Variants in BANK1 observed in about 807,000 individuals in gnomAD.
BANK1 encodes the protein B-cell scaffold protein with ankyrin repeats.
Under a neutral mutation model 94.5 loss-of-function variants are expected in BANK1, and 95 were observed. That is an observed-to-expected ratio of 1.00 (90% CI 0.85 to 1.19). BANK1 has a LOEUF of 1.19. Among genes scored for constraint, BANK1 ranks in the 50% most tolerant of loss-of-function variants. The pLI is 0.00. For missense variants in BANK1, 987 were observed against 932.2 expected, an observed-to-expected ratio of 1.06 and a Z score of -0.77; for synonymous variants, 334 against 308.4, an observed-to-expected ratio of 1.08 and a Z score of -0.87.
chr4:101,986,475 C>A (rs1427311324), intron 7 of BANK1, among the ~76,000 whole-genome samples: 2 of 152,010 alleles, frequency 1.3e-5, no homozygotes, highest in African/African-American at 4.8e-5. Context: ...TTACATGGAT[C>A]TTGCTGAGCT....
At chr4:101,829,765 T>C (rs17266594) in intron 1 of BANK1, 43 bp from the exon 2 acceptor site, 372,909 of 1,294,384 alleles carry the variant, frequency 0.29, 56,046 homozygotes, top group Non-Finnish European at 0.31. Context: ...TTTAACCTGC[T>C]GATAGCATTG....
At chr4:101,966,369 T>C (rs1392972338) in intron 7 of BANK1, among the ~76,000 whole-genome samples, 1 of 152,030 alleles carries the variant, frequency 6.6e-6, no homozygotes, top group Non-Finnish European at 1.5e-5. Context: ...GTTTGTTATC[T>C]ATGAAAATAA....
At chr4:101,875,225 G>A (rs770019348) in intron 5 of BANK1, among the ~76,000 whole-genome samples, 1 of 152,084 alleles carries the variant, frequency 6.6e-6, no homozygotes, top group Non-Finnish European at 1.5e-5. Context: ...GTTTCTGTGT[G>A]TTGGGGAGAG....
At chr4:101,957,837 T>A (rs13107839) in intron 7 of BANK1, among the ~76,000 whole-genome samples, 1 of 94,652 alleles carries the variant, frequency 1.1e-5, no homozygotes, top group Non-Finnish European at 2.8e-5. Flanking sequence ...TTGTTTTTTG[T>A]TTTTTGCTTT....
intron 4 of BANK1, among the ~76,000 whole-genome samples, chr4:101,863,364 C>A (rs1297315460): frequency 6.6e-6 from 1 of 151,704 alleles, no homozygotes; most frequent in African/African-American, 2.4e-5. Flanking sequence ...ATGTCTTTTC[C>A]TGATCAGAGA....
intron 6 of BANK1, among the ~76,000 whole-genome samples, chr4:101,914,036 TAC>T (rs1722750663): frequency 6.6e-6 from 1 of 152,310 alleles, no homozygotes; most frequent in Non-Finnish European, 1.5e-5. Flanking sequence ...TTTTCAAATG[TAC>T]AGTCTTTCAA....
chr4:101,796,405 AGTT>A (rs1725157952), intron 1 of BANK1, among the ~76,000 whole-genome samples: 1 of 152,144 alleles, frequency 6.6e-6, no homozygotes. Flanking sequence ...TCTTTTCAAA[AGTT>A]GTTATTGTTA....
chr4:102,049,699 C>A (rs976557656), intron 11 of BANK1, among the ~76,000 whole-genome samples: 10 of 152,126 alleles, frequency 6.6e-5, no homozygotes, highest in African/African-American at 2.4e-4. Context: ...CTCTTTAAAA[C>A]CGTAATTGGT....
rs957452052 is a variant in BANK1, at chr4:101,988,859, G to A, written c.1207-32655G>A. 1.1e-4 allele frequency among the ~76,000 whole-genome samples: 16 copies of A among 152,072 alleles called. 1 individual carries two copies. The highest frequency in any genetic ancestry group is 2.6e-4 in the Admixed American group (4 of 15,254). On this transcript the variant is annotated intron_variant, in intron 7 of 16. Coordinates refer to ENST00000322953, the MANE Select transcript of BANK1 (RefSeq NM_017935.5). ...TTGGCTCTGAAAATTATTATGTAAC[G>A]TTTTATTAAGGAAGCATCTTACATT...
At chr4:101,836,466 C>T (rs963175573) in intron 2 of BANK1, among the ~76,000 whole-genome samples, 6 of 152,062 alleles carry the variant, frequency 3.9e-5, no homozygotes, top group Non-Finnish European at 5.9e-5. Context: ...GGCGACAGAG[C>T]GAGACTCTGT....
intron 3 of BANK1, among the ~76,000 whole-genome samples, chr4:101,861,481 T>C (rs1263326156): frequency 6.6e-6 from 1 of 152,132 alleles, no homozygotes; most frequent in African/African-American, 2.4e-5. Context: ...AAGGGTGATA[T>C]CTAAGATAAT....
At chr4:101,887,718 C>T (rs971593531) in intron 5 of BANK1, among the ~76,000 whole-genome samples, 1 of 152,036 alleles carries the variant, frequency 6.6e-6, no homozygotes, top group Non-Finnish European at 1.5e-5. Flanking sequence ...ATATGAAAAC[C>T]TAATCAATAA....
At chr4:101,828,412 T>TCC (rs1726453496) in intron 1 of BANK1, among the ~76,000 whole-genome samples, 1 of 148,364 alleles carries the variant, frequency 6.7e-6, no homozygotes, top group African/African-American at 2.5e-5. Context: ...TATATATATC[T>TCC]CCATATATAT....
chr4:101,900,109 G>A (rs1722223412), intron 6 of BANK1, among the ~76,000 whole-genome samples: 1 of 152,104 alleles, frequency 6.6e-6, no homozygotes, highest in South Asian at 2.1e-4. Context: ...CTCCCAATTA[G>A]AACACCTTGA....
chr4:101,871,203 ATGTGCT>A (rs1444745161), intron 5 of BANK1, among the ~76,000 whole-genome samples: 1 of 152,092 alleles, frequency 6.6e-6, no homozygotes, highest in Non-Finnish European at 1.5e-5. Context: ...TATTGGGAAT[ATGTGCT>A]TATTCCATCA....
At chr4:101,886,204 A>T (rs1374183459) in intron 5 of BANK1, among the ~76,000 whole-genome samples, 1 of 152,122 alleles carries the variant, frequency 6.6e-6, no homozygotes. Flanking sequence ...GAGGTGAAAA[A>T]ATTTTATACA....
In BANK1 at chr4:102,037,339, A is replaced by G. The variant is rs556204503; in HGVS notation, c.1901-6500A>G. Reference sequence around the variant, plus strand: ...AGAAACTCTTACTTGGATTATTTCCATTGTTAAGCCAGAGTAAAGAAATAC... The same window carrying G: ...AGAAACTCTTACTTGGATTATTTCCGTTGTTAAGCCAGAGTAAAGAAATAC... On this transcript the variant is annotated intron_variant, in intron 10 of 16. Transcript: ENST00000322953. Among the ~76,000 whole-genome samples the G allele has an allele frequency of 3.0e-4, 46 of 152,346 alleles. No individual in the cohort carries two copies. In the South Asian group the frequency reaches 9.5e-3, roughly 32 times the overall value.
intron 10 of BANK1, among the ~76,000 whole-genome samples, chr4:102,041,698 A>C (rs966489100): frequency 3.3e-5 from 5 of 152,010 alleles, no homozygotes; most frequent in Admixed American, 2.6e-4. Flanking sequence ...CACTCATAGT[A>C]TCCTACAGCC....
chr4:101,990,873 C>T (rs556973064), intron 7 of BANK1, among the ~76,000 whole-genome samples: 1 of 152,118 alleles, frequency 6.6e-6, no homozygotes, highest in African/African-American at 2.4e-5. Flanking sequence ...TTAACTCATA[C>T]CGTTTTGTGA....
Sources: gnomAD v4.1 joint callset for allele counts (sites outside exome capture counted in the v4.1 genomes callset) on GRCh38, gnomAD v4.1.1 for gene constraint, MANE v1.5 for transcripts, NCBI Gene and HGNC (gene_info 2026-07-23, HGNC 2026-07-21) for gene names.